The following PHLDB2 variants were observed in gnomAD, a reference collection of about 807,000 sequenced individuals.
The protein encoded by PHLDB2 is pleckstrin homology-like domain family B member 2.
A neutral mutation model predicts 123.6 loss-of-function variants in PHLDB2; 71 were observed. The observed-to-expected ratio is 0.57, with a 90% confidence interval of 0.47 to 0.70. The LOEUF (loss-of-function observed/expected upper bound fraction) is 0.70, where lower values mean the gene tolerates loss of function less well. Ranked by LOEUF, PHLDB2 falls within the 30% of genes least tolerant of loss-of-function variation. PHLDB2 has a pLI of 0.00. For synonymous variants in PHLDB2, 547 were observed against 541.6 expected (o/e 1.01, Z -0.14); for missense variants, 1,446 against 1,519.5 (o/e 0.95, Z 0.80).
At chr3:111,775,733 A>T (rs2060257398) in intron 1 of PHLDB2, among the ~76,000 whole-genome samples, 1 of 152,208 alleles carries the variant, frequency 6.6e-6, no homozygotes, top group East Asian at 1.9e-4. Flanking sequence ...CCAGAGAATA[A>T]TTATTTTAGA....
chr3:111,817,880 G>A (rs1230585092), intron 1 of PHLDB2, among the ~76,000 whole-genome samples: 1 of 152,168 alleles, frequency 6.6e-6, no homozygotes, highest in African/African-American at 2.4e-5. Flanking sequence ...TCTTGTGGGA[G>A]AAGATAGGCT....
At chr3:111,868,009 T>TA (rs201950106) in intron 1 of PHLDB2, among the ~76,000 whole-genome samples, 5 of 151,052 alleles carry the variant, frequency 3.3e-5, no homozygotes, top group South Asian at 2.1e-4. Context: ...CTCATACTTT[T>TA]AAAAAAAAAT....
intron 6 of PHLDB2, among the ~76,000 whole-genome samples, chr3:111,935,294 A>C (rs999973953): frequency 4.6e-5 from 7 of 151,448 alleles, no homozygotes; most frequent in African/African-American, 1.7e-4. Context: ...AGAGTCGGGG[A>C]GTATCTTGAT....
intron 1 of PHLDB2, among the ~76,000 whole-genome samples, chr3:111,818,584 C>T (rs2062210991): frequency 6.6e-6 from 1 of 152,150 alleles, no homozygotes; most frequent in Non-Finnish European, 1.5e-5. Flanking sequence ...CAATGCCATA[C>T]ACTGTCACAG....
chr3:111,830,584 C>A (rs1334697283), intron 1 of PHLDB2, among the ~76,000 whole-genome samples: 1 of 147,310 alleles, frequency 6.8e-6, no homozygotes, highest in Non-Finnish European at 1.5e-5. Flanking sequence ...CCGAGGCGGG[C>A]GGATCACGAG....
intron 5 of PHLDB2, among the ~76,000 whole-genome samples, chr3:111,925,482 A>G (rs758430762): frequency 2.6e-5 from 4 of 152,238 alleles, no homozygotes; most frequent in African/African-American, 7.2e-5. Context: ...TGGAGCCACT[A>G]TGAACATTGA....
intron 12 of PHLDB2, chr3:111,958,204 C>T: frequency 1.1e-6 from 1 of 924,632 alleles, no homozygotes; most frequent in Non-Finnish European, 1.3e-6. Context: ...TTTTCCCTTT[C>T]TACAATCATT....
intron 5 of PHLDB2, among the ~76,000 whole-genome samples, chr3:111,928,389 T>C (rs1030615691): frequency 6.6e-6 from 1 of 152,194 alleles, no homozygotes; most frequent in African/African-American, 2.4e-5. Context: ...AGTCAATGGG[T>C]CTCAACCTGG....
intron 5 of PHLDB2, among the ~76,000 whole-genome samples, chr3:111,926,119 C>G (rs1216276733): frequency 6.6e-6 from 1 of 152,248 alleles, no homozygotes; most frequent in Admixed American, 6.5e-5. Flanking sequence ...CTCTTAAACA[C>G]ATGAAACACA....
At chr3:111,776,477 G>A (rs2060270192) in intron 1 of PHLDB2, among the ~76,000 whole-genome samples, 1 of 151,988 alleles carries the variant, frequency 6.6e-6, no homozygotes, top group African/African-American at 2.4e-5. Flanking sequence ...TTCCTACATT[G>A]CACCTCTCAC....
chr3:111,878,069 T>G (rs916849102), intron 1 of PHLDB2, among the ~76,000 whole-genome samples: 1 of 152,174 alleles, frequency 6.6e-6, no homozygotes, highest in African/African-American at 2.4e-5. Context: ...TTTAAAGTAG[T>G]TTTTTCCAGT....
chr3:111,801,012 A>C (rs139145193), intron 1 of PHLDB2, among the ~76,000 whole-genome samples: 1 of 152,302 alleles, frequency 6.6e-6, no homozygotes, highest in East Asian at 1.9e-4. Context: ...AGAGACCTTA[A>C]ATAATATTAA....
At chr3:111,972,202 T>G (rs1046879210) in intron 16 of PHLDB2, among the ~76,000 whole-genome samples, 1 of 152,174 alleles carries the variant, frequency 6.6e-6, no homozygotes, top group African/African-American at 2.4e-5. Flanking sequence ...GCAATATCAT[T>G]TCCAGCAAAT....
chr3:111,795,881 C>T (rs547930190), intron 1 of PHLDB2, among the ~76,000 whole-genome samples: 3 of 152,072 alleles, frequency 2.0e-5, no homozygotes, highest in South Asian at 2.1e-4. Flanking sequence ...TGTGCACCAC[C>T]CCACCCATCT....
At chr3:111,744,465 C>T (rs1254747333) in intron 1 of PHLDB2, among the ~76,000 whole-genome samples, 1 of 152,068 alleles carries the variant, frequency 6.6e-6, no homozygotes, top group Non-Finnish European at 1.5e-5. Context: ...ACAATAATAG[C>T]GCAGTGCATA....
At chr3:111,748,321 T>C (rs957663310) in intron 1 of PHLDB2, among the ~76,000 whole-genome samples, 2 of 152,174 alleles carry the variant, frequency 1.3e-5, no homozygotes, top group African/African-American at 4.8e-5. Flanking sequence ...CAGTGAAGAA[T>C]CAAATCCTAG....
Position 111,952,564 on chromosome 3 carries a change from A to G in PHLDB2, c.2632-8A>G, listed in dbSNP as rs376829741. 6.2e-7 allele frequency: 1 copy of G among 1,607,470 alleles called. No homozygotes were observed. Among genetic ancestry groups the G allele is most frequent in the Non-Finnish European group, 8.5e-7 (1 of 1,178,198 alleles). On this transcript the variant is annotated splice_polypyrimidine_tract_variant and splice_region_variant and intron_variant, in intron 10 of 17. Transcript: ENST00000431670. Reference sequence around the variant, plus strand: ...TTTTGCTATTTTGCTTTGCATTTGCATTTAAAGCACTTTAGAAGTCTGGAA... The same window carrying G: ...TTTTGCTATTTTGCTTTGCATTTGCGTTTAAAGCACTTTAGAAGTCTGGAA...
chr3:111,742,221 T>A (rs1029639459), intron 1 of PHLDB2, among the ~76,000 whole-genome samples: 1 of 152,198 alleles, frequency 6.6e-6, no homozygotes, highest in African/African-American at 2.4e-5. Context: ...TTCACATGCA[T>A]TTATATCAAA....
chr3:111,936,888 C>T (rs1427372600), intron 6 of PHLDB2, among the ~76,000 whole-genome samples: 1 of 152,076 alleles, frequency 6.6e-6, no homozygotes, highest in Non-Finnish European at 1.5e-5. Context: ...TTATGTCAGC[C>T]AGTGTATTAT....
Sources: gnomAD v4.1 joint callset for allele counts (sites outside exome capture counted in the v4.1 genomes callset) on GRCh38, gnomAD v4.1.1 for gene constraint, MANE v1.5 for transcripts, NCBI Gene and HGNC (gene_info 2026-07-23, HGNC 2026-07-21) for gene names.